The following KALRN variants were observed in gnomAD, a reference collection of about 807,000 sequenced individuals.
KALRN encodes kalirin RhoGEF kinase, also known as kalirin.
KALRN carries 70 observed loss-of-function variants against 353.7 expected under a neutral mutation model. That is an observed-to-expected ratio of 0.20 (90% CI 0.16 to 0.24). KALRN has a LOEUF of 0.24. Among genes scored for constraint, KALRN ranks in the 10% least tolerant of loss-of-function variants. KALRN has a pLI of 1.00. For synonymous variants in KALRN, 1,391 were observed against 1,434.8 expected, an observed-to-expected ratio of 0.97 and a Z score of 0.69; for missense variants, 2,791 against 3,756.7, an observed-to-expected ratio of 0.74 and a Z score of 6.72.
chr3:124,091,692 TG>T (rs1360470636), intron 1 of KALRN, among the ~76,000 whole-genome samples: 3 of 152,154 alleles, frequency 2.0e-5, no homozygotes, highest in African/African-American at 7.2e-5. Context: ...TGCCTGTCCC[TG>T]GAAAACATGT....
At chr3:124,314,086 A>G (rs1351580887) in intron 6 of KALRN, among the ~76,000 whole-genome samples, 1 of 152,130 alleles carries the variant, frequency 6.6e-6, no homozygotes, top group African/African-American at 2.4e-5. Context: ...CATAGCAAAG[A>G]CTTGGAACTA....
At chr3:124,118,817 C>T (rs1440685777) in intron 1 of KALRN, among the ~76,000 whole-genome samples, 1 of 152,222 alleles carries the variant, frequency 6.6e-6, no homozygotes, top group Non-Finnish European at 1.5e-5. Flanking sequence ...AGGTAGTTGT[C>T]ATTCTTTACA....
intron 3 of KALRN, among the ~76,000 whole-genome samples, chr3:124,247,106 ACT>A (rs1384943023): frequency 1.3e-5 from 2 of 152,020 alleles, no homozygotes; most frequent in East Asian, 3.9e-4. Context: ...TGATACGGAC[ACT>A]CTATGTTACG....
At chr3:124,493,426 T>C (rs922437236) in intron 32 of KALRN, among the ~76,000 whole-genome samples, 13 of 152,238 alleles carry the variant, frequency 8.5e-5, no homozygotes, top group Non-Finnish European at 1.8e-4. Flanking sequence ...TATATCTTTC[T>C]GGATGCTTCT....
intron 13 of KALRN, among the ~76,000 whole-genome samples, chr3:124,411,432 G>GTTTTTTT (rs1560849512): frequency 5.5e-5 from 2 of 36,250 alleles, no homozygotes; most frequent in Non-Finnish European, 1.1e-4. Context: ...TTTAAATTAT[G>GTTTTTTT]CTTTTTTTTT....
At chr3:124,518,782 A>G (rs1467616502) in intron 33 of KALRN, 9 of 1,275,876 alleles carry the variant, frequency 7.1e-6, no homozygotes, top group Non-Finnish European at 9.0e-6. Context: ...TCCCACTCAG[A>G]ACAGCAGGTA....
chr3:124,064,447 A>G (rs1358001607), intron 1 of KALRN, among the ~76,000 whole-genome samples: 1 of 152,112 alleles, frequency 6.6e-6, no homozygotes, highest in African/African-American at 2.4e-5. Context: ...AGCCTTGATG[A>G]ATAGAGAAGA....
At chr3:124,151,338 A>G (rs1283122561) in intron 1 of KALRN, among the ~76,000 whole-genome samples, 1 of 152,154 alleles carries the variant, frequency 6.6e-6, no homozygotes, top group Non-Finnish European at 1.5e-5. Flanking sequence ...ACCTTTGCCA[A>G]TATTTGGTAT....
chr3:124,270,824 G>GTTTTTTTTTTTTTTTTTTT (rs777615656), intron 5 of KALRN, among the ~76,000 whole-genome samples: 73 of 78,606 alleles, frequency 9.3e-4, no homozygotes, highest in Non-Finnish European at 1.3e-3. Context: ...TTTTTGTTTT[G>GTTTTTTTTTTTTTTTTTTT]TTTTTTTTTT....
At chr3:124,445,371 A>G (rs13322143) in intron 19 of KALRN, among the ~76,000 whole-genome samples, 4,063 of 152,308 alleles carry the variant, frequency 0.027, 192 homozygotes, top group African/African-American at 0.091. Flanking sequence ...CATAGAACAT[A>G]CTATTTAAAA....
chr3:124,321,598 G>A (rs1218046319), intron 6 of KALRN, among the ~76,000 whole-genome samples: 1 of 152,192 alleles, frequency 6.6e-6, no homozygotes, highest in East Asian at 1.9e-4. Flanking sequence ...CACAGCATGG[G>A]ACAAGGCCTC....
chr3:124,159,385 C>G (rs2069532741), intron 1 of KALRN, among the ~76,000 whole-genome samples: 1 of 152,170 alleles, frequency 6.6e-6, no homozygotes, highest in Non-Finnish European at 1.5e-5. Context: ...ACCCTCCTAC[C>G]TCAGCCCCCC....
intron 10 of KALRN, among the ~76,000 whole-genome samples, chr3:124,352,841 A>G (rs539525314): frequency 3.9e-5 from 6 of 152,272 alleles, no homozygotes; most frequent in African/African-American, 1.4e-4. Flanking sequence ...AGGGAGGGGA[A>G]CATCACACAC....
intron 34 of KALRN, among the ~76,000 whole-genome samples, chr3:124,595,277 G>A (rs908760841): frequency 6.6e-6 from 1 of 151,616 alleles, no homozygotes; most frequent in African/African-American, 2.4e-5. Flanking sequence ...TTTAATGAAT[G>A]TATTCCATGG....
chr3:124,481,477 G>A (rs2061979471), intron 27 of KALRN, among the ~76,000 whole-genome samples: 1 of 152,188 alleles, frequency 6.6e-6, no homozygotes, highest in Non-Finnish European at 1.5e-5. Flanking sequence ...AAAGTGCTGG[G>A]ATTACAGGCG....
At chr3:124,366,694 T>C (rs1276810321) in intron 10 of KALRN, among the ~76,000 whole-genome samples, 1 of 152,142 alleles carries the variant, frequency 6.6e-6, no homozygotes, top group Non-Finnish European at 1.5e-5. Flanking sequence ...ATTGTCATCC[T>C]GGCCCGTTCT....
At chr3:124,562,041 AG>A (rs1216548430) in intron 33 of KALRN, among the ~76,000 whole-genome samples, 1 of 152,212 alleles carries the variant, frequency 6.6e-6, no homozygotes, top group Non-Finnish European at 1.5e-5. Flanking sequence ...TCAGTGAATT[AG>A]GAAGATGCCA....
chr3:124,432,184 C>A (rs1197677154), intron 16 of KALRN, among the ~76,000 whole-genome samples: 1 of 151,946 alleles, frequency 6.6e-6, no homozygotes, highest in Admixed American at 6.6e-5. Context: ...CCAAGATGGG[C>A]AGACCTCTTG....
intron 1 of KALRN, among the ~76,000 whole-genome samples, chr3:124,142,779 C>A (rs918577927): frequency 1.3e-5 from 2 of 152,128 alleles, no homozygotes; most frequent in African/African-American, 4.8e-5. Flanking sequence ...CTGCACCATG[C>A]CGCTGCTCTC....
Sources: allele counts gnomAD v4.1 joint callset (sites outside exome capture counted in the v4.1 genomes callset), GRCh38; gene constraint gnomAD v4.1.1; transcripts MANE v1.5; gene names NCBI Gene and HGNC (gene_info 2026-07-23, HGNC 2026-07-21).